Variants in ERCC8 observed in about 807,000 individuals in gnomAD.
ERCC8 encodes ERCC excision repair 8, CSA ubiquitin ligase complex subunit, also known as DNA excision repair protein ERCC-8.
ERCC8 carries 52 observed loss-of-function variants against 54.9 expected under a neutral mutation model. The observed-to-expected ratio is 0.95, with a 90% CI of 0.76 to 1.19. The LOEUF (loss-of-function observed/expected upper bound fraction) is 1.19. Among genes scored for constraint, ERCC8 ranks in the 50% most tolerant of loss-of-function variants. The probability of loss-of-function intolerance (pLI) is 0.00; values close to 1 mark genes in which losing one functional copy is unlikely to be tolerated. For missense variants in ERCC8, 514 were observed against 466.1 expected, an observed-to-expected ratio of 1.10 and a Z score of -0.95; for synonymous variants, 146 against 157.2, an observed-to-expected ratio of 0.93 and a Z score of 0.53.
At chr5:60,936,193 T>C (rs1444535931) in intron 1 of ERCC8, among the ~76,000 whole-genome samples, 2 of 152,210 alleles carry the variant, frequency 1.3e-5, no homozygotes, top group Non-Finnish European at 2.9e-5. Flanking sequence ...TTCAATCTCA[T>C]TGCTTGTTGC....
chr5:60,902,140 T>C (rs993503603), intron 7 of ERCC8, among the ~76,000 whole-genome samples: 1 of 152,098 alleles, frequency 6.6e-6, no homozygotes, highest in African/African-American at 2.4e-5. Context: ...AGGTTAAAGA[T>C]AATGAATAAA....
intron 11 of ERCC8, among the ~76,000 whole-genome samples, chr5:60,879,626 G>T (rs1443049360): frequency 6.6e-6 from 1 of 151,268 alleles, no homozygotes; most frequent in Non-Finnish European, 1.5e-5. Context: ...TTATGTAATG[G>T]CCTTGTCTCT....
chr5:60,922,457 T>G (rs1749627412), intron 2 of ERCC8, among the ~76,000 whole-genome samples: 1 of 151,952 alleles, frequency 6.6e-6, no homozygotes, highest in Non-Finnish European at 1.5e-5. Context: ...AGTAAAATAT[T>G]ACAAAGTTAT....
rs897535441 is a variant in ERCC8 at position 60,887,521 on chromosome 5, C to G, written c.1042-1G>C. On this transcript the variant is annotated splice_acceptor_variant, in intron 10 of 11. Coordinates refer to ENST00000676185, the MANE Select transcript of ERCC8 (RefSeq NM_000082.4). LOFTEE classifies it high-confidence loss of function. ...AGTCTCTGCTACCACTATAAAGTTC[C>G]TATAACATAGAAGGCAAAGATGATA... 3 of 1,612,346 alleles carry G rather than the reference C, an allele frequency of 1.9e-6. No individual in the cohort carries two copies. The highest frequency in any genetic ancestry group is 2.5e-6 in the Non-Finnish European group (3 of 1,178,470).
chr5:60,919,734 AC>A (rs1343333656), intron 3 of ERCC8, among the ~76,000 whole-genome samples: 5 of 152,024 alleles, frequency 3.3e-5, no homozygotes, highest in Non-Finnish European at 5.9e-5. Flanking sequence ...AATGAACATG[AC>A]CTTGAAATGG....
intron 2 of ERCC8, among the ~76,000 whole-genome samples, chr5:60,923,221 C>T (rs1227665561): frequency 6.6e-6 from 1 of 152,030 alleles, no homozygotes; most frequent in East Asian, 1.9e-4. Flanking sequence ...TTATTCTATT[C>T]AAAAACTTTG....
chr5:60,902,346 TTAAA>T (rs1242642610), intron 7 of ERCC8, 92 bp downstream of exon 7: 5 of 912,508 alleles, frequency 5.5e-6, no homozygotes, highest in Non-Finnish European at 8.6e-6. Flanking sequence ...GAATTAATAA[TTAAA>T]TATGCTAAAA....
intron 4 of ERCC8, among the ~76,000 whole-genome samples, chr5:60,906,519 A>G (rs1414974783): frequency 1.3e-5 from 2 of 151,658 alleles, no homozygotes; most frequent in Non-Finnish European, 2.9e-5. Context: ...ACTTGAGGTC[A>G]GGAGTTTGAG....
intron 1 of ERCC8, among the ~76,000 whole-genome samples, chr5:60,933,216 CTTTTTTTTTT>C (rs143139297): frequency 5.6e-5 from 5 of 89,482 alleles, no homozygotes; most frequent in Admixed American, 3.4e-4. Context: ...CCTTTTTTTT[CTTTTTTTTTT>C]TTTTTTTTTT....
intron 11 of ERCC8, among the ~76,000 whole-genome samples, chr5:60,877,254 C>T (rs536016249): frequency 1.3e-5 from 2 of 152,296 alleles, no homozygotes; most frequent in Non-Finnish European, 2.9e-5. Flanking sequence ...TGTTTTGGTA[C>T]CAGTACCGTG....
rs771352926 is a variant in ERCC8 at position 60,938,024 on chromosome 5, TATACATACATAC to T, written c.77+6896_77+6907del. Among the ~76,000 whole-genome samples the T allele has an allele frequency of 1.6e-3, 130 of 82,416 alleles. 5 individuals carry two copies. The highest frequency in any genetic ancestry group is 5.6e-3 in the African/African-American group (110 of 19,472). The allele number at this position is 82,416 out of a possible 152,430, so 54.1% of individuals were successfully genotyped here. On this transcript the variant is annotated intron_variant, in intron 1 of 11. Transcript: ENST00000676185. ...ATATGTATGCGTGTGTGTGTGTGTG[TATACATACATAC>T]ATACATACATACATATATATATATA... is the stretch of plus-strand genomic sequence containing the variant.
At position 60,893,517 on chromosome 5, in the gene ERCC8, G is replaced by C. The variant is rs1748630035; in HGVS notation, c.844-2431C>G. ...GCTTTCTTCCCATTTTGTTTTGCAG[G>C]CTTCTTACAGCCCTTGGAAACTTTA... On this transcript the variant is annotated intron_variant, in intron 9 of 11. Coordinates refer to ENST00000676185, the MANE Select transcript of ERCC8 (RefSeq NM_000082.4). The C allele has an allele frequency of 5.1e-6, 4 of 790,488 alleles. No homozygotes were observed. In the Admixed American group the frequency reaches 7.2e-5, roughly 14 times the overall value. The allele number at this position is 790,488 out of a possible 1,614,324, so 49.0% of individuals were successfully genotyped here.
chr5:60,918,740 T>A, intron 3 of ERCC8: 1 of 318,988 alleles, frequency 3.1e-6, no homozygotes, highest in East Asian at 7.8e-5. Flanking sequence ...GGTTTTGGAT[T>A]TGCTTTTCCA....
intron 2 of ERCC8, among the ~76,000 whole-genome samples, chr5:60,922,830 C>CAAGT (rs1749638683): frequency 6.6e-6 from 1 of 152,062 alleles, no homozygotes; most frequent in South Asian, 2.1e-4. Flanking sequence ...ATAGGGAAAA[C>CAAGT]AAGTAGTATG....
At chr5:60,938,090 A>ATATAT (rs1561519206) in intron 1 of ERCC8, among the ~76,000 whole-genome samples, 13 of 21,838 alleles carry the variant, frequency 6.0e-4, no homozygotes, top group Admixed American at 1.5e-3. Context: ...TATATATTTT[A>ATATAT]TTTTTTTTTT....
In ERCC8 at chr5:60,892,666, C is replaced by A. The variant is rs1748599629; in HGVS notation, c.844-1580G>T. 3 of 665,176 alleles carry A rather than the reference C, an allele frequency of 4.5e-6. No homozygotes were observed. In the Admixed American group the frequency reaches 6.3e-5, roughly 14 times the overall value. The allele number at this position is 665,176 out of a possible 1,614,324, so 41.2% of individuals were successfully genotyped here. A position where few individuals can be genotyped will look rare whatever the true frequency, so the allele number is the denominator to read the frequency against. ...TTGCAGCACTGCAAGATGGTCTCCA[C>A]TGGGGTCATGGGGTCTGCCAGTCTC... On this transcript the variant is annotated intron_variant, in intron 9 of 11. Coordinates refer to ENST00000676185, the MANE Select transcript of ERCC8 (RefSeq NM_000082.4).
intron 11 of ERCC8, among the ~76,000 whole-genome samples, chr5:60,880,046 T>C (rs1236776636): frequency 6.6e-6 from 1 of 152,324 alleles, no homozygotes; most frequent in East Asian, 1.9e-4. Context: ...CAGGAGCTCT[T>C]TTAGGGCAGG....
At chr5:60,904,267 T>C (rs1037244280) in intron 5 of ERCC8, among the ~76,000 whole-genome samples, 1 of 151,806 alleles carries the variant, frequency 6.6e-6, no homozygotes, top group Non-Finnish European at 1.5e-5. Flanking sequence ...ATAAAAGAGG[T>C]AGAGACTCAC....
At chr5:60,897,859 C>T (rs1413899884) in intron 9 of ERCC8, among the ~76,000 whole-genome samples, 3 of 152,224 alleles carry the variant, frequency 2.0e-5, no homozygotes, top group African/African-American at 7.2e-5. Flanking sequence ...CCAATGAGCA[C>T]TTCCTTTGTG....
Sources: gnomAD v4.1 joint callset for allele counts (sites outside exome capture counted in the v4.1 genomes callset) on GRCh38, gnomAD v4.1.1 for gene constraint, MANE v1.5 for transcripts, NCBI Gene and HGNC (gene_info 2026-07-23, HGNC 2026-07-21) for gene names.